NSMCE2: variants seen among roughly 807,000 people sequenced by gnomAD.
The protein encoded by NSMCE2 is NSE2 SUMO ligase component of SMC5/6 complex.
NSMCE2 carries 24 observed loss-of-function variants against 23.8 expected under a neutral mutation model. That is an observed-to-expected ratio of 1.01 (90% CI 0.73 to 1.42). NSMCE2 has a LOEUF of 1.42. Ranked by LOEUF, NSMCE2 falls within the 40% of genes most tolerant of loss-of-function variation. The pLI is 0.00. For synonymous variants in NSMCE2, 92 were observed against 94.1 expected (o/e 0.98, Z 0.13); for missense variants, 284 against 296.5 (o/e 0.96, Z 0.31).
At chr8:125,350,383 T>G (rs1296680080) in intron 5 of NSMCE2, among the ~76,000 whole-genome samples, 1 of 152,152 alleles carries the variant, frequency 6.6e-6, no homozygotes, top group Non-Finnish European at 1.5e-5. Context: ...CAGGTTAGTG[T>G]TAAGGCCCAA....
At position 125,098,606 on chromosome 8, in the gene NSMCE2, T is replaced by C. The variant is rs141543071; in HGVS notation, c.-110-3445T>C. ...TTGAATCACGGTGTTATCAGCAGAA[T>C]TGGTGAGAGTGGTTGGATTCTGGAG... On this transcript the variant is annotated intron_variant, in intron 1 of 7. Transcript: ENST00000287437. 4.4e-3 allele frequency among the ~76,000 whole-genome samples: 669 copies of C among 152,118 alleles called. 24 individuals carry two copies. The highest frequency in any genetic ancestry group is 0.041 in the Admixed American group (625 of 15,282).
intron 5 of NSMCE2, among the ~76,000 whole-genome samples, chr8:125,290,837 A>G (rs1340753807): frequency 6.6e-6 from 1 of 152,200 alleles, no homozygotes; most frequent in African/African-American, 2.4e-5. Flanking sequence ...AAAAAGGATA[A>G]TGTAGTAGCA....
intron 5 of NSMCE2, among the ~76,000 whole-genome samples, chr8:125,195,187 G>A (rs926900892): frequency 1.4e-4 from 21 of 151,992 alleles, no homozygotes; most frequent in African/African-American, 4.8e-4. Context: ...ATCCCTAGGC[G>A]TCAATATCAA....
intron 3 of NSMCE2, among the ~76,000 whole-genome samples, chr8:125,116,242 G>T (rs1478758522): frequency 1.3e-5 from 2 of 152,032 alleles, no homozygotes; most frequent in South Asian, 4.2e-4. Context: ...TTAATTTTTG[G>T]ACCAAGGTCA....
chr8:125,355,102 C>A (rs1362967772), intron 5 of NSMCE2, among the ~76,000 whole-genome samples: 36 of 152,294 alleles, frequency 2.4e-4, no homozygotes, highest in Non-Finnish European at 2.9e-5. Flanking sequence ...AGTCCGAAAT[C>A]CGAAACACTT....
chr8:125,327,127 G>T (rs188292775), intron 5 of NSMCE2, among the ~76,000 whole-genome samples: 56 of 151,558 alleles, frequency 3.7e-4, no homozygotes, highest in African/African-American at 1.3e-3. Flanking sequence ...ATTAGCCGGC[G>T]TGGTGGCGAG....
chr8:125,366,054 C>T (rs1243987309), intron 7 of NSMCE2, among the ~76,000 whole-genome samples: 2 of 152,090 alleles, frequency 1.3e-5, no homozygotes, highest in South Asian at 2.1e-4. Context: ...CTTGTTCCCA[C>T]GCTTCATTCT....
At chr8:125,356,403 A>G (rs1184915112) in intron 5 of NSMCE2, among the ~76,000 whole-genome samples, 1 of 124,816 alleles carries the variant, frequency 8.0e-6, no homozygotes. Flanking sequence ...ATCTTGGCCC[A>G]CTGCAACCTC....
chr8:125,285,414 C>T (rs1465916276), intron 5 of NSMCE2, among the ~76,000 whole-genome samples: 2 of 152,072 alleles, frequency 1.3e-5, no homozygotes, highest in African/African-American at 4.8e-5. Flanking sequence ...GCTCTGCCTT[C>T]CTCCCTCCTC....
intron 3 of NSMCE2, among the ~76,000 whole-genome samples, chr8:125,103,649 G>A (rs1818310348): frequency 6.6e-6 from 1 of 152,036 alleles, no homozygotes; most frequent in African/African-American, 2.4e-5. Context: ...ATAAATCAGT[G>A]GAACTTGATA....
In NSMCE2 at chr8:125,176,234, G is replaced by A. The variant is rs140215265; in HGVS notation, c.265-5869G>A. ...CTGGATATTTGGAGTCAGCCTTTGC[G>A]CATATGTCTGCTCTTGCTAGAGTCT... On this transcript the variant is annotated intron_variant, in intron 4 of 7. Transcript: ENST00000287437. Among the ~76,000 whole-genome samples, 512 of 152,214 alleles carry A rather than the reference G, an allele frequency of 3.4e-3. 3 individuals are homozygous for A. Among genetic ancestry groups the A allele is most frequent in the Middle Eastern group, 0.01 (3 of 294 alleles).
At chr8:125,179,773 C>T (rs1289371246) in intron 4 of NSMCE2, among the ~76,000 whole-genome samples, 2 of 151,964 alleles carry the variant, frequency 1.3e-5, no homozygotes, top group African/African-American at 4.9e-5. Flanking sequence ...AATGCCTCTC[C>T]CCTCCATCCT....
At chr8:125,267,633 A>G (rs1202124524) in intron 5 of NSMCE2, among the ~76,000 whole-genome samples, 1 of 152,006 alleles carries the variant, frequency 6.6e-6, no homozygotes, top group East Asian at 1.9e-4. Flanking sequence ...ACAATTAACC[A>G]AGTGTGGCTG....
At chr8:125,315,737 T>C (rs766068975) in intron 5 of NSMCE2, among the ~76,000 whole-genome samples, 4 of 152,226 alleles carry the variant, frequency 2.6e-5, no homozygotes, top group Admixed American at 6.5e-5. Flanking sequence ...TTAGCAATTA[T>C]ATTTTCCATG....
rs79952672 is a variant in NSMCE2, at chr8:125,360,527, A to G, written c.626+2709A>G. 4.6e-3 allele frequency among the ~76,000 whole-genome samples: 694 copies of G among 152,232 alleles called. 3 individuals are homozygous for G. Among genetic ancestry groups the G allele is most frequent in the African/African-American group, 0.016 (656 of 41,534 alleles). On this transcript the variant is annotated intron_variant, in intron 7 of 7. Coordinates refer to ENST00000287437, the MANE Select transcript of NSMCE2 (RefSeq NM_173685.4). ...ACTTTGTTGACCAATGAGAGGATCA[A>G]TCAGCGGAAGAAGACCCCTAAAAAA...
chr8:125,350,799 T>C (rs1586807614), intron 5 of NSMCE2, among the ~76,000 whole-genome samples: 2 of 152,166 alleles, frequency 1.3e-5, no homozygotes, highest in African/African-American at 4.8e-5. Flanking sequence ...GAATTCAAGA[T>C]GAGATTTGGG....
chr8:125,295,084 CAT>C (rs1176602679), intron 5 of NSMCE2, among the ~76,000 whole-genome samples: 2 of 152,192 alleles, frequency 1.3e-5, no homozygotes, highest in Non-Finnish European at 2.9e-5. Flanking sequence ...GCTGTGATGA[CAT>C]AGGGTTTTGG....
chr8:125,175,441 C>G (rs1001043254), intron 4 of NSMCE2, among the ~76,000 whole-genome samples: 9 of 152,190 alleles, frequency 5.9e-5, no homozygotes, highest in African/African-American at 2.2e-4. Flanking sequence ...ACAAAGCAAA[C>G]TGCTTATCAC....
intron 4 of NSMCE2, among the ~76,000 whole-genome samples, chr8:125,159,538 G>A (rs1391475799): frequency 2.6e-5 from 4 of 152,136 alleles, no homozygotes; most frequent in Non-Finnish European, 1.5e-5. Flanking sequence ...ATCTAGGTTT[G>A]TGTAAGTACA....
Sources: allele counts gnomAD v4.1 joint callset (sites outside exome capture counted in the v4.1 genomes callset), GRCh38; gene constraint gnomAD v4.1.1; transcripts MANE v1.5; gene names NCBI Gene and HGNC (gene_info 2026-07-23, HGNC 2026-07-21).